COL19A1: variants seen among roughly 807,000 people sequenced by gnomAD.
COL19A1 encodes collagen type XIX alpha 1 chain.
A neutral mutation model predicts 190.2 loss-of-function variants in COL19A1; 159 were observed. The observed-to-expected ratio is 0.84, with a 90% CI of 0.73 to 0.95. The LOEUF is 0.95. COL19A1 is among the 40% of genes least tolerant of loss of function. The pLI is 0.00. For synonymous variants in COL19A1, 509 were observed against 458.9 expected (o/e 1.11, Z -1.39); for missense variants, 1,418 against 1,431.9 (o/e 0.99, Z 0.16).
At chr6:70,184,309 A>G (rs1048928152) in intron 44 of COL19A1, among the ~76,000 whole-genome samples, 7 of 152,226 alleles carry the variant, frequency 4.6e-5, no homozygotes, top group Non-Finnish European at 8.8e-5. Context: ...CACCTATGCC[A>G]TGAGGCACCT....
At position 69,902,099 on chromosome 6, in the gene COL19A1, G is replaced by A. The variant is rs181480500; in HGVS notation, c.266+1761G>A. The stretch of plus-strand genomic sequence containing the variant: ...TGGTACCTCCACTATAGGAAACCGG[G>A]GGTATCTGGTTGAGCTGCCCAGTGA... On this transcript the variant is annotated intron_variant, in intron 4 of 50. Coordinates refer to ENST00000620364, the MANE Select transcript of COL19A1 (RefSeq NM_001858.6). 3.5e-3 allele frequency among the ~76,000 whole-genome samples: 535 copies of A among 152,274 alleles called. 11 individuals are homozygous for A. Among genetic ancestry groups the A allele is most frequent in the Admixed American group, 0.028 (434 of 15,294 alleles).
chr6:69,997,026 T>TATAGAGAGAG (rs576813975), intron 11 of COL19A1, among the ~76,000 whole-genome samples: 40 of 146,902 alleles, frequency 2.7e-4, no homozygotes, highest in African/African-American at 9.7e-4. Flanking sequence ...TATATATATA[T>TATAGAGAGAG]AGAGAGAGAG....
Position 69,936,817 on chromosome 6 carries a change from A to G in COL19A1, c.780A>G (p.Ala260=), listed in dbSNP as rs1030817442. 5 of 1,613,144 alleles carry G rather than the reference A, an allele frequency of 3.1e-6. No homozygotes were observed. Among genetic ancestry groups the G allele is most frequent in the East Asian group, 2.2e-5 (1 of 44,864 alleles). Residue 260 remains alanine (A), a synonymous_variant, in exon 8 of 51, where the codon GCA becomes GCG. Transcript: ENST00000620364. ...CPEQDGFGNI[A]SSWVTAHASK... Reference sequence around the variant, plus strand: ...AGCAGGATGGCTTTGGAAATATTGCATCATCATGGGTAACTGCTCATGCCA... The same window carrying G: ...AGCAGGATGGCTTTGGAAATATTGCGTCATCATGGGTAACTGCTCATGCCA...
intron 16 of COL19A1, among the ~76,000 whole-genome samples, chr6:70,114,825 C>A (rs1562187362): frequency 6.6e-6 from 1 of 152,174 alleles, no homozygotes. Context: ...TGGAAAAACT[C>A]ATTAGATTCT....
intron 33 of COL19A1, 125 bp downstream of exon 33, chr6:70,156,494 G>GA: frequency 1.2e-6 from 1 of 851,126 alleles, no homozygotes; most frequent in South Asian, 1.9e-5. Context: ...GTATGTATAT[G>GA]GAGAGAGAGA....
intron 42 of COL19A1, among the ~76,000 whole-genome samples, chr6:70,177,957 G>A (rs1254190490): frequency 6.6e-6 from 1 of 152,172 alleles, no homozygotes; most frequent in African/African-American, 2.4e-5. Flanking sequence ...GTGGCCACAG[G>A]CAATCCAAAT....
chr6:69,982,024 A>C (rs1242863553), intron 11 of COL19A1, among the ~76,000 whole-genome samples: 3 of 152,208 alleles, frequency 2.0e-5, no homozygotes, highest in African/African-American at 7.2e-5. Context: ...ACATAATGCC[A>C]GGATTGTTGC....
intron 48 of COL19A1, among the ~76,000 whole-genome samples, chr6:70,195,905 C>T (rs534447321): frequency 1.8e-4 from 27 of 152,282 alleles, no homozygotes; most frequent in African/African-American, 6.3e-4. Flanking sequence ...CATATGCTCC[C>T]CCATTCTTGT....
Position 70,102,207 on chromosome 6 carries a change from A to G in COL19A1, c.1263A>G (p.Gly421=), listed in dbSNP as rs754521197. The change falls in exon 16 of 51, where the codon GGA becomes GGG. Residue 421 remains glycine (G), a synonymous_variant. Coordinates refer to ENST00000620364, the MANE Select transcript of COL19A1 (RefSeq NM_001858.6). ...RGKTGPPGKP[G]PPGPPGPPGI... is the part of the protein sequence containing the mutation. Reference sequence around the variant, plus strand: ...AAACAGGACCTCCCGGAAAACCAGGACCCCCAGGACCACCTGTGAGTAAAC... The same window carrying G: ...AAACAGGACCTCCCGGAAAACCAGGGCCCCCAGGACCACCTGTGAGTAAAC... The G allele has an allele frequency of 6.2e-5, 100 of 1,611,820 alleles. No homozygotes were observed. Among genetic ancestry groups the G allele is most frequent in the Non-Finnish European group, 7.9e-5 (93 of 1,178,208 alleles).
chr6:70,136,420 T>G (rs1344111721), intron 18 of COL19A1, among the ~76,000 whole-genome samples: 10 of 152,168 alleles, frequency 6.6e-5, no homozygotes, highest in Admixed American at 5.9e-4. Flanking sequence ...TAAACGCTGG[T>G]TTATTAACAT....
At chr6:69,898,916 A>T in intron 2 of COL19A1, 32 bp from the exon 3 acceptor site, 1 of 1,363,366 alleles carries the variant, frequency 7.3e-7, no homozygotes, top group Non-Finnish European at 1.0e-6. Context: ...TACATAATGC[A>T]AATCCTCTAT....
chr6:70,016,365 A>G (rs1356996319), intron 11 of COL19A1, among the ~76,000 whole-genome samples: 2 of 115,520 alleles, frequency 1.7e-5, no homozygotes, highest in Non-Finnish European at 3.4e-5. Flanking sequence ...TTAGAGTATA[A>G]TAAAAAAAAA....
chr6:70,191,612 T>C (rs1304966304), intron 48 of COL19A1, among the ~76,000 whole-genome samples: 3 of 152,236 alleles, frequency 2.0e-5, no homozygotes, highest in African/African-American at 7.2e-5. Flanking sequence ...TCTGAATCCA[T>C]TTCATTGTCC....
intron 11 of COL19A1, among the ~76,000 whole-genome samples, chr6:69,977,156 A>G (rs1202981663): frequency 6.6e-6 from 1 of 152,136 alleles, no homozygotes; most frequent in African/African-American, 2.4e-5. Context: ...AACACTTAGA[A>G]CCAACCCAAA....
chr6:69,928,299 T>G (rs1772527622), intron 5 of COL19A1, among the ~76,000 whole-genome samples: 1 of 152,158 alleles, frequency 6.6e-6, no homozygotes, highest in Non-Finnish European at 1.5e-5. Flanking sequence ...GATGTAAAAC[T>G]GCCTTCTCTT....
Position 70,211,276 on chromosome 6 carries a change from T to C in COL19A1, c.*4002T>C, listed in dbSNP as rs17747812. Among the ~76,000 whole-genome samples, 7,930 of 152,164 alleles carry C rather than the reference T, an allele frequency of 0.052. 321 individuals are homozygous for C. The highest frequency in any genetic ancestry group is 0.12 in the Middle Eastern group (35 of 294). On this transcript the variant is annotated 3_prime_UTR_variant, in exon 51 of 51. Transcript: ENST00000620364. ...CATAACACTAATAATACACTGGGAT[T>C]GAGAATTTCTGTTAAGTGTTTTGCT... is the stretch of plus-strand genomic sequence containing the variant.
chr6:69,917,431 A>G (rs1017393881), intron 4 of COL19A1, among the ~76,000 whole-genome samples: 1 of 152,220 alleles, frequency 6.6e-6, no homozygotes, highest in African/African-American at 2.4e-5. Context: ...GTGGATTTTC[A>G]TGAATGGAAC....
Position 70,089,977 on chromosome 6 carries a change from T to C in COL19A1, c.1225-12192T>C, listed in dbSNP as rs115743701. 2.3e-3 allele frequency among the ~76,000 whole-genome samples: 349 copies of C among 152,166 alleles called. 7 individuals carry two copies. The highest frequency in any genetic ancestry group is 8.0e-3 in the African/African-American group (333 of 41,534). On this transcript the variant is annotated intron_variant, in intron 15 of 50. Transcript: ENST00000620364. ...AAATGTTAATGTAAGATTAAAAATA[T>C]TTTTTAGCCTGGGCAACATAGAGAC...
At chr6:69,992,395 G>T (rs909659220) in intron 11 of COL19A1, among the ~76,000 whole-genome samples, 1 of 151,736 alleles carries the variant, frequency 6.6e-6, no homozygotes, top group Non-Finnish European at 1.5e-5. Flanking sequence ...ATGAATTTTA[G>T]AATGTTTTTC....
Sources: gnomAD v4.1 joint callset for allele counts (sites outside exome capture counted in the v4.1 genomes callset) on GRCh38, gnomAD v4.1.1 for gene constraint, MANE v1.5 for transcripts, NCBI Gene and HGNC (gene_info 2026-07-23, HGNC 2026-07-21) for gene names.